Variants in THBS1 observed in about 807,000 individuals in gnomAD.
THBS1 encodes the protein thrombospondin-1.
In THBS1, 29 loss-of-function variants were observed where a neutral mutation model predicts 126.1. That is an observed-to-expected ratio of 0.23 (90% CI 0.17 to 0.31). The LOEUF is 0.31. Ranked by LOEUF, THBS1 falls within the 10% of genes least tolerant of loss-of-function variation. THBS1 has a pLI of 1.00. For missense variants in THBS1, 1,198 were observed against 1,545.2 expected (o/e 0.78, Z 3.77); for synonymous variants, 496 against 577.8 (o/e 0.86, Z 2.03).
In THBS1 at chr15:39,587,402, T is replaced by C; in HGVS notation, c.1176T>C (p.Ser392=). ...WSPWSEWTSC[S]TSCGNGIQQR... ...CATGGTCCGAGTGGACCTCCTGTTCTACGAGCTGTGGCAATGGAATTCAGC... is the reference window on the plus strand; with the variant it reads ...CATGGTCCGAGTGGACCTCCTGTTCCACGAGCTGTGGCAATGGAATTCAGC... Residue 392 remains serine, a synonymous_variant, in exon 8 of 22, where the codon TCT becomes TCC. Coordinates refer to ENST00000260356, the MANE Select transcript of THBS1 (RefSeq NM_003246.4). 1.2e-6 allele frequency: 2 copies of C among 1,614,008 alleles called. No individual in the cohort carries two copies. Among genetic ancestry groups the C allele is most frequent in the South Asian group, 2.2e-5 (2 of 91,086 alleles).
At position 39,587,712 on chromosome 15, in the gene THBS1, A is replaced by T. The variant is rs1486826024; in HGVS notation, c.1294+192A>T. On this transcript the variant is annotated intron_variant, in intron 8 of 21. Transcript: ENST00000260356. ...CTCTTTCCTCATTTGCAACTTGGAG[A>T]TAATAATAGTTCTTGATAAGTTTAT... Among the ~76,000 whole-genome samples the T allele has an allele frequency of 2.0e-5, 3 of 152,238 alleles. No individual in the cohort carries two copies. In the East Asian group the frequency reaches 5.8e-4, roughly 29 times the overall value.
In THBS1 at chr15:39,597,280, G is replaced by GTTTTTTTTT; in HGVS notation, c.*1924_*1932dup. 1.2e-3 allele frequency: 57 copies of GTTTTTTTTT among 48,044 alleles called. No individual in the cohort carries two copies. Among genetic ancestry groups the GTTTTTTTTT allele is most frequent in the African/African-American group, 1.5e-3 (19 of 12,494 alleles). 3.0% of individuals were successfully genotyped at this position (48,044 alleles called of 1,614,324 possible). A position where few individuals can be genotyped will look rare whatever the true frequency, so the allele number is the denominator to read the frequency against. Reference sequence around the variant, plus strand: ...GTTGGTTTTTTCTTTTTTTTGTTTTGTTTTTTTTTTTTTTTTTTTTTGCTT... The same window carrying GTTTTTTTTT: ...GTTGGTTTTTTCTTTTTTTTGTTTTGTTTTTTTTTTTTTTTTTTTTTTTTTTTTTTGCTT... On this transcript the variant is annotated 3_prime_UTR_variant, in exon 22 of 22. Transcript: ENST00000260356.
rs1392867545 is a variant in THBS1, at chr15:39,588,182, C to G, written c.1435C>G (p.Arg479Gly). ...CGGGAAACCCTGTGAAGGCGAAGCGCGGGAGACCAAAGCCTGCAAGAAAGA... is the reference window on the plus strand; with the variant it reads ...CGGGAAACCCTGTGAAGGCGAAGCGGGGGAGACCAAAGCCTGCAAGAAAGA... ...MNGKPCEGEA[R>G]ETKACKKDAC... Residue 479 changes from arginine (R) to glycine (G), a missense_variant, in exon 9 of 22, where the codon CGG (arginine) becomes GGG (glycine). By Grantham distance (125) the Arg-to-Gly change is moderately radical. Transcript: ENST00000260356. 6.2e-7 allele frequency: 1 copy of G among 1,613,996 alleles called. No individual in the cohort carries two copies. The highest frequency in any genetic ancestry group is 1.7e-5 in the Admixed American group (1 of 60,002).
Position 39,582,617 on chromosome 15 carries a change from G to A in THBS1, c.492G>A (p.Arg164=). ...TCACCCTGTTTGTGCAGGAAGACAG[G>A]GCCCAGCTGTACATCGACTGTGAAA... ...KSITLFVQED[R]AQLYIDCEKM... Residue 164 remains arginine (R), a synonymous_variant, in exon 3 of 22, where the codon AGG becomes AGA. Transcript: ENST00000260356. 1 of 1,614,086 alleles carries A rather than the reference G, an allele frequency of 6.2e-7. No individual in the cohort carries two copies. Among genetic ancestry groups the A allele is most frequent in the Non-Finnish European group, 8.5e-7 (1 of 1,180,036 alleles).
chr15:39,585,614 C>T (rs1290998949), intron 7 of THBS1, 51 bp downstream of exon 7: 2 of 1,547,586 alleles, frequency 1.3e-6, no homozygotes, highest in Non-Finnish European at 8.9e-7. Context: ...GTCAGTTCTA[C>T]ATACATCCTA....
intron 7 of THBS1, among the ~76,000 whole-genome samples, chr15:39,586,410 T>C (rs1467189424): frequency 1.3e-5 from 2 of 152,244 alleles, no homozygotes; most frequent in African/African-American, 4.8e-5. Flanking sequence ...GTTTTGAACT[T>C]GAATCAGGGA....
chr15:39,594,563 C>T lies in THBS1; in HGVS notation c.3505+123C>T. 2.2e-6 allele frequency: 3 copies of T among 1,355,704 alleles called. No homozygotes were observed. The highest frequency in any genetic ancestry group is 3.0e-6 in the Non-Finnish European group (3 of 1,002,668). The allele number at this position is 1,355,704 out of a possible 1,614,324, so 84.0% of individuals were successfully genotyped here. On this transcript the variant is annotated intron_variant, in intron 21 of 21. Transcript: ENST00000260356. The surrounding 1 kb of genome is among the most constrained non-coding windows in gnomAD (Gnocchi z 4.4). ...TGGAGACAGGGTTATTTCTATTTTG[C>T]TTTTGAGGACACAAGGACAAAAATG...
intron 9 of THBS1, 23 bp downstream of exon 9, chr15:39,588,241 G>A (rs1302154612): frequency 6.2e-7 from 1 of 1,607,266 alleles, no homozygotes; most frequent in Admixed American, 1.7e-5. Flanking sequence ...TCCGCTGCAA[G>A]GGTGAGCATG....
At chr15:39,587,132 T>A (rs541921561) in intron 7 of THBS1, 13 of 401,760 alleles carry the variant, frequency 3.2e-5, no homozygotes, top group African/African-American at 1.8e-4. Flanking sequence ...GTTAATTAGC[T>A]TGACGGTGGT....
rs1232775393 is a variant in THBS1 at position 39,596,514 on chromosome 15, A to G, written c.*1145A>G. ...GACTGTAAGATTGTAAATACAGATT[A>G]TTTATTAACTCTGTTCTGCCTGGAA... On this transcript the variant is annotated 3_prime_UTR_variant, in exon 22 of 22. Transcript: ENST00000260356. 6.6e-6 allele frequency: 1 copy of G among 152,232 alleles called. No individual in the cohort carries two copies. Among genetic ancestry groups the G allele is most frequent in the Non-Finnish European group, 1.5e-5 (1 of 68,096 alleles). The allele number at this position is 152,232 out of a possible 1,614,324, so 9.4% of individuals were successfully genotyped here.
rs16969365 is a variant in THBS1 at position 39,594,919 on chromosome 15, T to A, written c.3506-443T>A. Among the ~76,000 whole-genome samples, 1 of 152,222 alleles carries A rather than the reference T, an allele frequency of 6.6e-6. No homozygotes were observed. The highest frequency in any genetic ancestry group is 1.5e-5 in the Non-Finnish European group (1 of 68,048). ...AGCATTTTTTTTCCTCATTCTTTTT[T>A]ACTTAGTCATTACTTAAGCTCGCTG... On this transcript the variant is annotated intron_variant, in intron 21 of 21. Transcript: ENST00000260356. The surrounding 1 kb of genome is among the most constrained non-coding windows in gnomAD (Gnocchi z 4.4).
At position 39,582,716 on chromosome 15, in the gene THBS1, C is replaced by A. The variant is rs1251671424; in HGVS notation, c.591C>A (p.Leu197=). 1.9e-6 allele frequency: 3 copies of A among 1,612,972 alleles called. No homozygotes were observed. Among genetic ancestry groups the A allele is most frequent in the Non-Finnish European group, 2.5e-6 (3 of 1,179,856 alleles). ...FTRDLASIAR[L]RIAKGGVNDN... is the part of the protein sequence containing the mutation. ...GAGACCTGGCCAGCATCGCCAGACTCCGCATCGCAAAGGGGGGCGTCAATG... is the reference window on the plus strand; with the variant it reads ...GAGACCTGGCCAGCATCGCCAGACTACGCATCGCAAAGGGGGGCGTCAATG... The change falls in exon 3 of 22, where the codon CTC becomes CTA. Residue 197 remains leucine (L), a synonymous_variant. Coordinates refer to ENST00000260356, the MANE Select transcript of THBS1 (RefSeq NM_003246.4).
At chr15:39,590,881 T>C in intron 14 of THBS1, 1 of 536,288 alleles carries the variant, frequency 1.9e-6, no homozygotes, top group Non-Finnish European at 3.3e-6. Flanking sequence ...CAAATGCCAC[T>C]TTGTTCCCTA....
In THBS1 at chr15:39,584,022, G is replaced by A. The variant is rs925618320; in HGVS notation, c.738G>A (p.Val246=). 2 of 1,614,154 alleles carry A rather than the reference G, an allele frequency of 1.2e-6. No individual in the cohort carries two copies. Among genetic ancestry groups the A allele is most frequent in the South Asian group, 1.1e-5 (1 of 91,084 alleles). The change falls in exon 5 of 22, where the codon GTG becomes GTA. Residue 246 remains valine (V), a synonymous_variant. Transcript: ENST00000260356. ...TSVLLTLDNN[V]VNGSSPAIRT... Reference sequence around the variant, plus strand: ...TCCTCCTCACCCTTGACAACAACGTGGTGAATGGTTCCAGCCCTGCCATCC... The same window carrying A: ...TCCTCCTCACCCTTGACAACAACGTAGTGAATGGTTCCAGCCCTGCCATCC...
chr15:39,588,262 C>T, intron 9 of THBS1, 44 bp downstream of exon 9: 1 of 1,585,830 alleles, frequency 6.3e-7, no homozygotes, highest in Non-Finnish European at 8.6e-7. Context: ...GGCAGCAGCT[C>T]TGCCCAGCTG....
chr15:39,593,898 C>A lies in THBS1; in HGVS notation c.3268-201C>A. 9 of 861,840 alleles carry A rather than the reference C, an allele frequency of 1.0e-5. No individual in the cohort carries two copies. Among genetic ancestry groups the A allele is most frequent in the South Asian group, 7.4e-5 (4 of 53,760 alleles). The allele number at this position is 861,840 out of a possible 1,614,324, so 53.4% of individuals were successfully genotyped here. ...CCTTCAGCCTTTTCAAACAAAAAAA[C>A]CTCCTTCCCTCCTCTCTGTCTGCTT... is the stretch of plus-strand genomic sequence containing the variant. On this transcript the variant is annotated intron_variant, in intron 19 of 21. Coordinates refer to ENST00000260356, the MANE Select transcript of THBS1 (RefSeq NM_003246.4). This position sits in a 1 kb window ranked among gnomAD's most constrained non-coding sequence, Gnocchi z 5.9.
In THBS1 at chr15:39,595,421, C is replaced by A; in HGVS notation, c.*52C>A. The A allele has an allele frequency of 2.0e-6, 3 of 1,486,720 alleles. No individual in the cohort carries two copies. Among genetic ancestry groups the A allele is most frequent in the South Asian group, 3.0e-5 (2 of 66,594 alleles). The allele number at this position is 1,486,720 out of a possible 1,614,324, so 92.1% of individuals were successfully genotyped here. On this transcript the variant is annotated 3_prime_UTR_variant, in exon 22 of 22. Coordinates refer to ENST00000260356, the MANE Select transcript of THBS1 (RefSeq NM_003246.4). ...ATCATAAACCAATGCTGGTATTGCA[C>A]CTTCTGGAACTATGGGCTTGAGAAA...
At chr15:39,586,742 A>C (rs966836023) in intron 7 of THBS1, 7 of 152,252 alleles carry the variant, frequency 4.6e-5, no homozygotes, top group Non-Finnish European at 8.8e-5. Flanking sequence ...TGGAAGTCTG[A>C]GACTGGAAAT....
rs780495538 is a variant in THBS1, at chr15:39,588,991, G to A, written c.1678G>A (p.Val560Met). 4.0e-5 allele frequency: 65 copies of A among 1,614,034 alleles called. No individual in the cohort carries two copies. Among genetic ancestry groups the A allele is most frequent in the Middle Eastern group, 3.3e-4 (2 of 6,084 alleles). Residue 560 changes from valine (V) to methionine (M), a missense_variant, in exon 11 of 22, where the codon GTG becomes ATG. By Grantham distance (21) the Val-to-Met change is conservative. This residue lies in a region of THBS1 where 663 missense variants were observed against 860.1 expected (regional missense o/e 0.77). Coordinates refer to ENST00000260356, the MANE Select transcript of THBS1 (RefSeq NM_003246.4). ...CCTGTCCAATCCCTGCTTTGCCGGCGTGAAGTGTACTAGCTACCCTGATGG... is the reference window on the plus strand; with the variant it reads ...CCTGTCCAATCCCTGCTTTGCCGGCATGAAGTGTACTAGCTACCCTGATGG... ...GCLSNPCFAG[V>M]KCTSYPDGSW... is the part of the protein sequence containing the mutation.
Sources: allele counts gnomAD v4.1 joint callset (sites outside exome capture counted in the v4.1 genomes callset), GRCh38; gene constraint gnomAD v4.1.1; regional missense constraint gnomAD v4.1.1; non-coding constraint Gnocchi (gnomAD v3.1); transcripts MANE v1.5; gene names NCBI Gene and HGNC (gene_info 2026-07-23, HGNC 2026-07-21).